CHCHD3: variants seen among roughly 807,000 people sequenced by gnomAD.
CHCHD3 encodes the protein MICOS complex subunit MIC19.
In CHCHD3, 20 loss-of-function variants were observed where a neutral mutation model predicts 38.2. The ratio of observed to expected loss-of-function variants is 0.52; its 90% CI spans 0.37 to 0.76. The LOEUF (loss-of-function observed/expected upper bound fraction) is 0.76, where lower values mean the gene tolerates loss of function less well. Ranked by LOEUF, CHCHD3 falls within the 30% of genes least tolerant of loss-of-function variation. CHCHD3 has a pLI of 0.00. For missense variants in CHCHD3, 245 were observed against 279.2 expected (o/e 0.88, Z 0.87); for synonymous variants, 82 against 100.0 (o/e 0.82, Z 1.07).
At position 133,024,548 on chromosome 7, in the gene CHCHD3, T is replaced by G; in HGVS notation, c.249A>C (p.Lys83Asn). ...EQAKKESEDQ[K>N]RLKQAKELDR... ...CTCTCTGATACCACAAAACTCACCGTTTCTGATCTTCGGATTCTTTCTTGG... is the reference window on the plus strand; with the variant it reads ...CTCTCTGATACCACAAAACTCACCGGTTCTGATCTTCGGATTCTTTCTTGG... The change falls in exon 3 of 8, where the codon AAA becomes AAC. Residue 83 changes from lysine (K) to asparagine (N), a missense_variant and splice_region_variant. Lys to Asn is a moderately conservative substitution (Grantham distance 94). Transcript: ENST00000262570. 6.2e-7 allele frequency: 1 copy of G among 1,611,776 alleles called. No individual in the cohort carries two copies. Among genetic ancestry groups the G allele is most frequent in the Non-Finnish European group, 8.5e-7 (1 of 1,178,140 alleles).
chr7:132,898,257 G>A (rs186518073), intron 4 of CHCHD3, among the ~76,000 whole-genome samples: 5 of 152,282 alleles, frequency 3.3e-5, no homozygotes, highest in African/African-American at 1.2e-4. Flanking sequence ...GGGGCAGCCT[G>A]CTTTTATATT....
intron 3 of CHCHD3, among the ~76,000 whole-genome samples, chr7:133,009,864 CTG>C (rs1474819823): frequency 6.6e-6 from 1 of 152,156 alleles, no homozygotes; most frequent in African/African-American, 2.4e-5. Context: ...TAAAAATACT[CTG>C]AAAGCTTAGA....
chr7:132,940,350 C>T (rs979726457), intron 4 of CHCHD3, among the ~76,000 whole-genome samples: 1 of 152,110 alleles, frequency 6.6e-6, no homozygotes, highest in African/African-American at 2.4e-5. Context: ...ATCTGGCATC[C>T]CTGGGAAATA....
At chr7:132,935,030 C>T (rs1404992223) in intron 4 of CHCHD3, among the ~76,000 whole-genome samples, 1 of 152,206 alleles carries the variant, frequency 6.6e-6, no homozygotes, top group African/African-American at 2.4e-5. Context: ...TCTGGAAAGA[C>T]AAGTTCTGAG....
chr7:132,934,254 C>T (rs958332511), intron 4 of CHCHD3, among the ~76,000 whole-genome samples: 2 of 152,128 alleles, frequency 1.3e-5, no homozygotes. Context: ...GATGCCAATG[C>T]TACTGCTCTA....
chr7:133,023,730 A>G (rs1813255268), intron 3 of CHCHD3, among the ~76,000 whole-genome samples: 1 of 152,258 alleles, frequency 6.6e-6, no homozygotes, highest in Non-Finnish European at 1.5e-5. Context: ...TAGTATTTAA[A>G]AAAAATGCTT....
At chr7:132,855,441 C>T (rs981084038) in intron 5 of CHCHD3, among the ~76,000 whole-genome samples, 2 of 152,116 alleles carry the variant, frequency 1.3e-5, no homozygotes, top group African/African-American at 4.8e-5. Flanking sequence ...CACAGGTGAA[C>T]AGAAAAGTCA....
intron 3 of CHCHD3, among the ~76,000 whole-genome samples, chr7:133,005,577 G>A (rs189392558): frequency 2.0e-4 from 31 of 152,240 alleles, no homozygotes; most frequent in Admixed American, 1.8e-3. Context: ...ACTGATTTTC[G>A]CTTCTCATGG....
chr7:132,897,343 C>T (rs760284210), intron 4 of CHCHD3, among the ~76,000 whole-genome samples: 1 of 152,114 alleles, frequency 6.6e-6, no homozygotes, highest in Non-Finnish European at 1.5e-5. Context: ...CTTCTGAATT[C>T]CTTTTCTTTG....
intron 2 of CHCHD3, among the ~76,000 whole-genome samples, chr7:133,028,470 C>A (rs188032806): frequency 6.6e-6 from 1 of 152,120 alleles, no homozygotes; most frequent in Admixed American, 6.5e-5. Context: ...AAACTTAATT[C>A]CCACTGTGGC....
chr7:132,916,643 G>GA (rs1810113317), intron 4 of CHCHD3, among the ~76,000 whole-genome samples: 1 of 152,132 alleles, frequency 6.6e-6, no homozygotes, highest in South Asian at 2.1e-4. Flanking sequence ...TGCAGTGGTG[G>GA]AATCATGGCT....
chr7:133,035,405 A>G lies in CHCHD3; in HGVS notation c.170-10778T>C, dbSNP rs1461899469. On this transcript the variant is annotated intron_variant, in intron 2 of 7. Coordinates refer to ENST00000262570, the MANE Select transcript of CHCHD3 (RefSeq NM_017812.4). The surrounding 1 kb of genome is among the most constrained non-coding windows in gnomAD (Gnocchi z 4.7). ...GGAAAGAAGGCTCTAGAACCTGCTT[A>G]TAGAGCCACAACAGGGTGCAGACAA... 3.7e-6 allele frequency: 6 copies of G among 1,613,542 alleles called. No individual in the cohort carries two copies. The highest frequency in any genetic ancestry group is 1.7e-5 in the Admixed American group (1 of 60,022).
chr7:133,015,140 G>A (rs1030381138), intron 3 of CHCHD3, among the ~76,000 whole-genome samples: 6 of 152,076 alleles, frequency 3.9e-5, no homozygotes, highest in Non-Finnish European at 8.8e-5. Context: ...TCAGGAGTTT[G>A]AGACCAGCCT....
At chr7:132,989,573 G>A (rs1364879669) in intron 3 of CHCHD3, among the ~76,000 whole-genome samples, 1 of 152,130 alleles carries the variant, frequency 6.6e-6, no homozygotes, top group Non-Finnish European at 1.5e-5. Context: ...TTGGGAACAA[G>A]TACCACCTGT....
chr7:132,882,181 G>T lies in CHCHD3; in HGVS notation c.453+3481C>A, dbSNP rs544663943. Among the ~76,000 whole-genome samples, 6 of 152,178 alleles carry T rather than the reference G, an allele frequency of 3.9e-5. No homozygotes were observed. The East Asian group carries it at 1.2e-3, about 29-fold the overall frequency. ...CTGATCTACCCCCAATCACCATGAA[G>T]ATGAGCAAGGAACAGAGTATATCCC... On this transcript the variant is annotated intron_variant, in intron 5 of 7. Transcript: ENST00000262570.
At chr7:132,908,629 G>GA (rs1279696880) in intron 4 of CHCHD3, among the ~76,000 whole-genome samples, 1 of 152,140 alleles carries the variant, frequency 6.6e-6, no homozygotes, top group Non-Finnish European at 1.5e-5. Context: ...ACCCGAAGAA[G>GA]AAAGTCACAA....
intron 1 of CHCHD3, among the ~76,000 whole-genome samples, chr7:133,081,602 C>G (rs561585466): frequency 6.6e-6 from 1 of 152,240 alleles, no homozygotes; most frequent in African/African-American, 2.4e-5. Flanking sequence ...AGACTGTGAG[C>G]CCTTGCAGGG....
chr7:132,883,666 T>C (rs1288378663), intron 5 of CHCHD3, among the ~76,000 whole-genome samples: 1 of 152,208 alleles, frequency 6.6e-6, no homozygotes, highest in African/African-American at 2.4e-5. Flanking sequence ...CTTTCTCTGA[T>C]TCCACATTAC....
chr7:132,857,545 T>A (rs1022553149), intron 5 of CHCHD3, among the ~76,000 whole-genome samples: 4 of 152,138 alleles, frequency 2.6e-5, no homozygotes, highest in Non-Finnish European at 5.9e-5. Context: ...ATAGTTGGGA[T>A]GACAGACACC....
Sources: allele counts gnomAD v4.1 joint callset (sites outside exome capture counted in the v4.1 genomes callset), GRCh38; gene constraint gnomAD v4.1.1; non-coding constraint Gnocchi (gnomAD v3.1); transcripts MANE v1.5; gene names NCBI Gene and HGNC (gene_info 2026-07-23, HGNC 2026-07-21).